The following MAP3K20 variants were observed in gnomAD, a reference collection of about 807,000 sequenced individuals.
MAP3K20 encodes HCCS-4.
In MAP3K20, 40 loss-of-function variants were observed where a neutral mutation model predicts 85.7. That is an observed-to-expected ratio of 0.47 (90% CI 0.36 to 0.61). The LOEUF is 0.61. Among genes scored for constraint, MAP3K20 ranks in the 20% least tolerant of loss-of-function variants. The pLI is 0.00. For synonymous variants in MAP3K20, 325 were observed against 327.7 expected (o/e 0.99, Z 0.09); for missense variants, 817 against 961.7 (o/e 0.85, Z 1.99).
intron 2 of MAP3K20, among the ~76,000 whole-genome samples, chr2:173,112,581 A>C (rs190654277): frequency 1.5e-4 from 23 of 151,440 alleles, no homozygotes; most frequent in Non-Finnish European, 3.1e-4. Flanking sequence ...ACATACAAGT[A>C]TGTCCCTTAT....
In MAP3K20 at chr2:173,266,170, A is replaced by G; in HGVS notation, c.1823A>G (p.Gln608Arg). ...GSPFFSHFDGQDSYAAAVRRP... is the reference protein window; with the variant it reads ...GSPFFSHFDGRDSYAAAVRRP... The stretch of plus-strand genomic sequence containing the variant: ...CCGTTCTTCTCACACTTTGATGGCC[A>G]GGATTCCTACGCTGCTGCTGTGAGA... The change falls in exon 20 of 20, where the codon CAG (glutamine) becomes CGG (arginine). Residue 608 changes from glutamine to arginine, a missense_variant. Physicochemically the swap from Gln to Arg is conservative, Grantham distance 43 (BLOSUM62 1). This residue lies in a region of MAP3K20 where 454 missense variants were observed against 476.9 expected (regional missense o/e 0.95). Coordinates refer to ENST00000375213, the MANE Select transcript of MAP3K20 (RefSeq NM_016653.3). 1 of 1,614,110 alleles carries G rather than the reference A, an allele frequency of 6.2e-7. No individual in the cohort carries two copies. The highest frequency in any genetic ancestry group is 8.5e-7 in the Non-Finnish European group (1 of 1,180,026).
At chr2:173,139,104 GC>G (rs1688893155) in intron 2 of MAP3K20, among the ~76,000 whole-genome samples, 1 of 152,166 alleles carries the variant, frequency 6.6e-6, no homozygotes, top group Non-Finnish European at 1.5e-5. Flanking sequence ...CATTTGTAAA[GC>G]ACTGTTACTT....
At chr2:173,143,630 C>T (rs1252255917) in intron 2 of MAP3K20, among the ~76,000 whole-genome samples, 2 of 152,184 alleles carry the variant, frequency 1.3e-5, no homozygotes, top group Non-Finnish European at 2.9e-5. Context: ...AGGATATCTG[C>T]TCTCATGATT....
chr2:173,088,285 T>A (rs1229811029), intron 1 of MAP3K20, among the ~76,000 whole-genome samples: 1 of 152,150 alleles, frequency 6.6e-6, no homozygotes, highest in East Asian at 1.9e-4. Context: ...GGGAATAATG[T>A]TTACTTTGTT....
In MAP3K20 at chr2:173,091,119, G is replaced by A. The variant is rs747816244; in HGVS notation, c.88G>A (p.Val30Ile). 18 of 1,613,794 alleles carry A rather than the reference G, an allele frequency of 1.1e-5. No individual in the cohort carries two copies. The highest frequency in any genetic ancestry group is 2.2e-5 in the East Asian group (1 of 44,882). The change falls in exon 2 of 20, where the codon GTT (valine) becomes ATT (isoleucine). Residue 30 changes from valine (V) to isoleucine (I), a missense_variant. Around this residue, in one of 4 missense-constraint regions of MAP3K20, gnomAD observed 200 missense variants for 302.7 expected, o/e 0.66. Coordinates refer to ENST00000375213, the MANE Select transcript of MAP3K20 (RefSeq NM_016653.3). ...CTGCGGTGGAGGAAGTTTTGGGAGT[G>A]TTTATCGAGCCAAATGGATATCACA... ...ENCGGGSFGS[V>I]YRAKWISQDK...
intron 16 of MAP3K20, among the ~76,000 whole-genome samples, chr2:173,243,169 G>A (rs953550620): frequency 3.3e-5 from 5 of 152,070 alleles, no homozygotes; most frequent in African/African-American, 1.2e-4. Flanking sequence ...TCCACAAAAC[G>A]CTATGGTACA....
rs184595128 is a variant in MAP3K20 at position 173,097,162 on chromosome 2, C to T, written c.159+5972C>T. The stretch of plus-strand genomic sequence containing the variant: ...TTGGGAGGCCGAGGCGGGCGGATCA[C>T]GAGGTCAAGAGATCGAAACCCCGTC... On this transcript the variant is annotated intron_variant, in intron 2 of 19. Transcript: ENST00000375213. Among the ~76,000 whole-genome samples the T allele has an allele frequency of 4.7e-3, 717 of 152,264 alleles. 7 individuals carry two copies. The highest frequency in any genetic ancestry group is 0.016 in the African/African-American group (682 of 41,540).
intron 3 of MAP3K20, among the ~76,000 whole-genome samples, chr2:173,176,656 G>T (rs1690169813): frequency 6.6e-6 from 1 of 152,000 alleles, no homozygotes; most frequent in Admixed American, 6.6e-5. Flanking sequence ...GAAGGACAGG[G>T]GACATGAAGA....
At chr2:173,164,687 AG>A (rs1158874415) in intron 2 of MAP3K20, among the ~76,000 whole-genome samples, 1 of 152,230 alleles carries the variant, frequency 6.6e-6, no homozygotes, top group Non-Finnish European at 1.5e-5. Context: ...TTTGAATTGA[AG>A]GAAAAGAGTC....
At chr2:173,076,260 A>T (rs1027584750) in intron 1 of MAP3K20, among the ~76,000 whole-genome samples, 9 of 151,960 alleles carry the variant, frequency 5.9e-5, no homozygotes, top group South Asian at 2.1e-4. Context: ...CGGCGCCGCC[A>T]AGTGCGGTTC....
intron 2 of MAP3K20, among the ~76,000 whole-genome samples, chr2:173,101,255 A>G (rs1357199699): frequency 6.6e-6 from 1 of 152,180 alleles, no homozygotes; most frequent in Non-Finnish European, 1.5e-5. Flanking sequence ...AAAATGTTTT[A>G]TTTGCAAGCC....
chr2:173,227,012 T>C, intron 11 of MAP3K20: 1 of 985,850 alleles, frequency 1.0e-6, no homozygotes. Flanking sequence ...ATAGTTGGAA[T>C]TTGATATTCC....
chr2:173,205,568 T>C (rs528016738), intron 9 of MAP3K20, among the ~76,000 whole-genome samples: 30 of 152,260 alleles, frequency 2.0e-4, no homozygotes, highest in African/African-American at 7.0e-4. Flanking sequence ...GCCTGTTCAC[T>C]CCACGTGCTC....
intron 16 of MAP3K20, among the ~76,000 whole-genome samples, chr2:173,245,878 C>G (rs929873125): frequency 6.6e-6 from 1 of 152,170 alleles, no homozygotes; most frequent in Non-Finnish European, 1.5e-5. Context: ...TTGCAGTGAG[C>G]CAGGATCGCA....
rs750572173 is a variant in MAP3K20, at chr2:173,263,848, CATT to C, written c.1659_1661del (p.Leu553del). The C allele has an allele frequency of 7.4e-5, 119 of 1,613,452 alleles. No homozygotes were observed. Among genetic ancestry groups the C allele is most frequent in the Non-Finnish European group, 1.0e-4 (118 of 1,179,860 alleles). ...AAAGCAGTCCAACTTGCCATTCAGACATTATTCACCAATTCAGATGGCAACCCT... is the reference window on the plus strand; with the variant it reads ...AAAGCAGTCCAACTTGCCATTCAGACATTCACCAATTCAGATGGCAACCCT... On this transcript the variant is annotated inframe_deletion, in exon 19 of 20. Coordinates refer to ENST00000375213, the MANE Select transcript of MAP3K20 (RefSeq NM_016653.3).
At chr2:173,128,402 G>A (rs1411895006) in intron 2 of MAP3K20, among the ~76,000 whole-genome samples, 1 of 151,648 alleles carries the variant, frequency 6.6e-6, no homozygotes, top group African/African-American at 2.4e-5. Context: ...GCATGATGTC[G>A]GCTCACTGCA....
chr2:173,226,266 T>A (rs1684385107), intron 11 of MAP3K20: 3 of 985,444 alleles, frequency 3.0e-6, no homozygotes, highest in Non-Finnish European at 3.6e-6. Context: ...TTTCAGAGTT[T>A]TCATTGGAAT....
At chr2:173,195,803 C>T (rs1258763664) in intron 7 of MAP3K20, among the ~76,000 whole-genome samples, 1 of 152,182 alleles carries the variant, frequency 6.6e-6, no homozygotes, top group Non-Finnish European at 1.5e-5. Flanking sequence ...GACCCCACCT[C>T]AGACACTTTT....
At chr2:173,173,192 G>A (rs1024904983) in intron 3 of MAP3K20, among the ~76,000 whole-genome samples, 1 of 123,068 alleles carries the variant, frequency 8.1e-6, no homozygotes, top group Admixed American at 8.4e-5. Context: ...GTGTGTGTGT[G>A]TGTGTCTGTG....
Sources: gnomAD v4.1 joint callset for allele counts (sites outside exome capture counted in the v4.1 genomes callset) on GRCh38, gnomAD v4.1.1 for gene constraint, gnomAD v4.1.1 regional missense constraint, MANE v1.5 for transcripts, NCBI Gene and HGNC (gene_info 2026-07-23, HGNC 2026-07-21) for gene names.